The following TSNARE1 variants were observed in gnomAD, a reference collection of about 807,000 sequenced individuals.
TSNARE1 encodes t-SNARE domain containing 1, also known as t-SNARE domain-containing protein 1.
TSNARE1 carries 49 observed loss-of-function variants against 62.0 expected under a neutral mutation model. That is an observed-to-expected ratio of 0.79 (90% CI 0.63 to 1.00). TSNARE1 has a LOEUF of 1.00. Among genes scored for constraint, TSNARE1 ranks in the 50% least tolerant of loss-of-function variants. The pLI is 0.00. For synonymous variants in TSNARE1, 328 were observed against 294.4 expected (o/e 1.11, Z -1.17); for missense variants, 755 against 700.1 (o/e 1.08, Z -0.88).
intron 12 of TSNARE1, among the ~76,000 whole-genome samples, chr8:142,235,061 C>A (rs777253366): frequency 6.6e-6 from 1 of 152,180 alleles, no homozygotes; most frequent in African/African-American, 2.4e-5. Flanking sequence ...AGAAAACAGC[C>A]GCCAGCACAG....
chr8:142,386,687 C>A (rs1837133180), intron 1 of TSNARE1, among the ~76,000 whole-genome samples: 1 of 152,140 alleles, frequency 6.6e-6, no homozygotes, highest in Non-Finnish European at 1.5e-5. Flanking sequence ...CAAGAAAGCA[C>A]TAGTTATGAC....
intron 9 of TSNARE1, among the ~76,000 whole-genome samples, chr8:142,310,686 A>T (rs908470594): frequency 1.3e-5 from 2 of 152,328 alleles, no homozygotes; most frequent in South Asian, 4.1e-4. Flanking sequence ...CTTCTAAGAA[A>T]GTCAGGTGTC....
intron 1 of TSNARE1, among the ~76,000 whole-genome samples, chr8:142,389,810 C>A (rs973905076): frequency 1.3e-5 from 2 of 152,198 alleles, no homozygotes; most frequent in African/African-American, 2.4e-5. Flanking sequence ...TAATGAAGCT[C>A]TGGAAGGACA....
rs1463449521 is a variant in TSNARE1 at position 142,384,459 on chromosome 8, T to C, written c.-40+18645A>G. On this transcript the variant is annotated intron_variant, in intron 1 of 13. Transcript: ENST00000524325. Reference sequence around the variant, plus strand: ...CAAAGCTACAGTAATCAAAACAGTATGGTAGGGCATGAAATCAGATATATA... The same window carrying C: ...CAAAGCTACAGTAATCAAAACAGTACGGTAGGGCATGAAATCAGATATATA... Among the ~76,000 whole-genome samples the C allele has an allele frequency of 3.3e-5, 5 of 152,214 alleles. No individual in the cohort carries two copies. The East Asian group carries it at 5.8e-4, about 18-fold the overall frequency.
chr8:142,230,301 A>T (rs980311348), intron 12 of TSNARE1, among the ~76,000 whole-genome samples: 4 of 152,208 alleles, frequency 2.6e-5, no homozygotes, highest in African/African-American at 9.7e-5. Context: ...TGAAATGGTA[A>T]GTACCAAGTA....
intron 1 of TSNARE1, among the ~76,000 whole-genome samples, chr8:142,402,426 T>G (rs573958148): frequency 6.6e-6 from 1 of 152,204 alleles, no homozygotes; most frequent in Non-Finnish European, 1.5e-5. Context: ...GCCTAGGGGC[T>G]ACCACACTGG....
chr8:142,330,634 G>A (rs1270528926), intron 6 of TSNARE1, among the ~76,000 whole-genome samples: 1 of 152,248 alleles, frequency 6.6e-6, no homozygotes, highest in Non-Finnish European at 1.5e-5. Flanking sequence ...TAGCACACAG[G>A]TGCACCTGGG....
chr8:142,268,632 T>C (rs1341823270), intron 12 of TSNARE1, among the ~76,000 whole-genome samples: 1 of 151,920 alleles, frequency 6.6e-6, no homozygotes, highest in African/African-American at 2.4e-5. Flanking sequence ...AAGCCGTGTT[T>C]TCCAGCTTCT....
chr8:142,274,582 G>A (rs1355727134), intron 12 of TSNARE1, 199 bp downstream of exon 12: 8 of 985,310 alleles, frequency 8.1e-6, no homozygotes, highest in South Asian at 4.7e-5. Context: ...TGGGCACCAC[G>A]CAGACCACTG....
intron 13 of TSNARE1, among the ~76,000 whole-genome samples, chr8:142,228,196 G>A (rs568040408): frequency 4.5e-4 from 68 of 152,318 alleles, no homozygotes; most frequent in African/African-American, 1.4e-3. Context: ...CAGCTAAGCC[G>A]CTTCCAAATC....
rs552734557 is a variant in TSNARE1 at position 142,291,743 on chromosome 8, G to A, written c.1291-7258C>T. ...GCGAGCGTGGGAGCGGCAGGGGTTA[G>A]AGGACACCCCTGGAGTCAGGGCCTG... On this transcript the variant is annotated intron_variant, in intron 10 of 13. Coordinates refer to ENST00000524325, the MANE Select transcript of TSNARE1 (RefSeq NM_145003.5). The surrounding 1 kb of genome is among the most constrained non-coding windows in gnomAD (Gnocchi z 4.8). Among the ~76,000 whole-genome samples, 28 of 152,272 alleles carry A rather than the reference G, an allele frequency of 1.8e-4. No homozygotes were observed. Among genetic ancestry groups the A allele is most frequent in the African/African-American group, 6.5e-4 (27 of 41,562 alleles).
chr8:142,302,614 C>T (rs1161037490), intron 9 of TSNARE1, among the ~76,000 whole-genome samples: 3 of 152,166 alleles, frequency 2.0e-5, no homozygotes, highest in Non-Finnish European at 1.5e-5. Flanking sequence ...TCTCCCAGGT[C>T]TGGGAAAGGC....
intron 12 of TSNARE1, chr8:142,271,382 A>C: frequency 1.6e-6 from 2 of 1,219,688 alleles, no homozygotes; most frequent in Non-Finnish European, 2.0e-6. Context: ...CCAGGAGGAC[A>C]GCAGGGCGCC....
Position 142,251,448 on chromosome 8 carries a change from C to T in TSNARE1, c.1447-21869G>A, listed in dbSNP as rs189200742. 6.4e-3 allele frequency among the ~76,000 whole-genome samples: 974 copies of T among 152,162 alleles called. 7 individuals are homozygous for T. Among genetic ancestry groups the T allele is most frequent in the Non-Finnish European group, 0.011 (780 of 68,014 alleles). ...TGCTCATGCCCCTCCTGCAGCATCCCGACACCTCCCATAAGCAGTGGGCCC... is the reference window on the plus strand; with the variant it reads ...TGCTCATGCCCCTCCTGCAGCATCCTGACACCTCCCATAAGCAGTGGGCCC... On this transcript the variant is annotated intron_variant, in intron 12 of 13. Transcript: ENST00000524325.
chr8:142,279,768 G>A, intron 11 of TSNARE1: 2 of 606,152 alleles, frequency 3.3e-6, no homozygotes, highest in African/African-American at 4.0e-5. Flanking sequence ...CCTCTTGGGA[G>A]CTGGTGCAGA....
intron 1 of TSNARE1, among the ~76,000 whole-genome samples, chr8:142,381,249 T>G (rs1836719236): frequency 6.6e-6 from 1 of 152,210 alleles, no homozygotes. Flanking sequence ...CAGGTCCCTG[T>G]CGGGCCATGG....
At chr8:142,248,914 G>A (rs936145996) in intron 12 of TSNARE1, among the ~76,000 whole-genome samples, 1 of 152,246 alleles carries the variant, frequency 6.6e-6, no homozygotes, top group African/African-American at 2.4e-5. Flanking sequence ...TACTCAGCAG[G>A]GAGGGCACTG....
intron 11 of TSNARE1, among the ~76,000 whole-genome samples, chr8:142,279,426 G>A (rs969563275): frequency 4.6e-5 from 7 of 152,200 alleles, no homozygotes; most frequent in African/African-American, 1.7e-4. Context: ...CTCAGGCCTT[G>A]TCTCTGCCCC....
At chr8:142,316,258 C>T (rs770131457) in intron 7 of TSNARE1, among the ~76,000 whole-genome samples, 2 of 151,756 alleles carry the variant, frequency 1.3e-5, no homozygotes, top group Non-Finnish European at 2.9e-5. Flanking sequence ...CATCACTGCC[C>T]GAGGGCACAG....
Sources: allele counts gnomAD v4.1 joint callset (sites outside exome capture counted in the v4.1 genomes callset), GRCh38; gene constraint gnomAD v4.1.1; non-coding constraint Gnocchi (gnomAD v3.1); transcripts MANE v1.5; gene names NCBI Gene and HGNC (gene_info 2026-07-23, HGNC 2026-07-21).